The following POLN variants were observed in gnomAD, a reference collection of about 807,000 sequenced individuals.
The protein encoded by POLN is DNA polymerase nu.
A neutral mutation model predicts 113.5 loss-of-function variants in POLN; 108 were observed. The ratio of observed to expected loss-of-function variants is 0.95; its 90% CI spans 0.81 to 1.12. POLN has a LOEUF of 1.12. Among genes scored for constraint, POLN ranks in the 50% most tolerant of loss-of-function variants. The probability of loss-of-function intolerance (pLI) is 0.00; values close to 1 mark genes in which losing one functional copy is unlikely to be tolerated. For synonymous variants in POLN, 386 were observed against 391.5 expected, an observed-to-expected ratio of 0.99 and a Z score of 0.17; for missense variants, 1,097 against 1,077.1, an observed-to-expected ratio of 1.02 and a Z score of -0.26.
chr4:2,210,600 T>C (rs1397021171), intron 4 of POLN, among the ~76,000 whole-genome samples: 3 of 125,958 alleles, frequency 2.4e-5, no homozygotes, highest in South Asian at 2.4e-4. Context: ...ATAATAATAA[T>C]AATAATAATA....
chr4:2,217,267 G>T (rs1193781615), intron 3 of POLN, among the ~76,000 whole-genome samples: 1 of 152,214 alleles, frequency 6.6e-6, no homozygotes, highest in Non-Finnish European at 1.5e-5. Context: ...TACCCATTGG[G>T]TTTCCCTTGA....
intron 23 of POLN, among the ~76,000 whole-genome samples, chr4:2,075,804 G>A (rs941843241): frequency 6.6e-6 from 1 of 152,234 alleles, no homozygotes; most frequent in African/African-American, 2.4e-5. Context: ...AGGGAGACAG[G>A]CTGGTTGGAA....
At position 2,242,051 on chromosome 4, in the gene POLN, C is replaced by A; in HGVS notation, c.-284G>T. On this transcript the variant is annotated splice_region_variant and 5_prime_UTR_variant, in exon 1 of 26. Coordinates refer to ENST00000511885, the MANE Select transcript of POLN (RefSeq NM_181808.4). ...CAGAACCGAGGCCCGCGTCAGTCAC[C>A]TCAGGAAGTTCCGCTTGCTTCTCGC... 1 of 985,762 alleles carries A rather than the reference C, an allele frequency of 1.0e-6. No individual in the cohort carries two copies. Among genetic ancestry groups the A allele is most frequent in the Non-Finnish European group, 1.2e-6 (1 of 830,150 alleles). The allele number at this position is 985,762 out of a possible 1,614,324, so 61.1% of individuals were successfully genotyped here.
chr4:2,232,046 A>C, intron 2 of POLN: 2 of 1,548,162 alleles, frequency 1.3e-6, no homozygotes, highest in Non-Finnish European at 1.8e-6. Context: ...ATTTGATGTA[A>C]TTTATTATTT....
At position 2,213,998 on chromosome 4, in the gene POLN, G is replaced by T. The variant is rs1020669920; in HGVS notation, c.134-872C>A. ...CGCCTGTGATCCCAGCACTTTGGGA[G>T]GCTGAGGTGGGTGGATCACCTCAGG... is the stretch of plus-strand genomic sequence containing the variant. On this transcript the variant is annotated intron_variant, in intron 3 of 25. Coordinates refer to ENST00000511885, the MANE Select transcript of POLN (RefSeq NM_181808.4). Among the ~76,000 whole-genome samples, 10 of 152,310 alleles carry T rather than the reference G, an allele frequency of 6.6e-5. No homozygotes were observed. The East Asian group carries it at 1.9e-3, about 29-fold the overall frequency.
chr4:2,139,689 T>C (rs1053634259), intron 16 of POLN: 1 of 152,234 alleles, frequency 6.6e-6, no homozygotes, highest in Non-Finnish European at 1.5e-5. Context: ...TTAGCAGTAA[T>C]TATGTGGTAT....
intron 23 of POLN, 99 bp from the exon 24 acceptor site, chr4:2,075,618 C>T: frequency 7.6e-7 from 1 of 1,322,182 alleles, no homozygotes; most frequent in Non-Finnish European, 1.1e-6. Flanking sequence ...GAGGCCAGGA[C>T]TGTGAGGCGG....
intron 16 of POLN, among the ~76,000 whole-genome samples, chr4:2,133,011 A>G (rs1218020621): frequency 6.6e-6 from 1 of 152,204 alleles, no homozygotes; most frequent in African/African-American, 2.4e-5. Flanking sequence ...TATGAAATAT[A>G]AAAATAGCTT....
intron 23 of POLN, chr4:2,080,593 G>A (rs1487438945): frequency 1.7e-6 from 2 of 1,207,626 alleles, no homozygotes; most frequent in African/African-American, 3.2e-5. Context: ...AACAGGCAGG[G>A]GTGGGGGCAG....
intron 6 of POLN, among the ~76,000 whole-genome samples, chr4:2,194,089 T>C (rs537143917): frequency 5.9e-5 from 9 of 152,310 alleles, no homozygotes; most frequent in African/African-American, 1.9e-4. Context: ...TGAAACCTCA[T>C]CACTATCCTA....
At chr4:2,141,549 G>A (rs1344391314) in intron 16 of POLN, among the ~76,000 whole-genome samples, 3 of 152,168 alleles carry the variant, frequency 2.0e-5, no homozygotes, top group African/African-American at 4.8e-5. Context: ...GAAGGACTGC[G>A]GTGCGTTCTG....
At chr4:2,135,392 G>A (rs572114680) in intron 16 of POLN, among the ~76,000 whole-genome samples, 33 of 152,314 alleles carry the variant, frequency 2.2e-4, no homozygotes, top group Admixed American at 1.7e-3. Context: ...AATGCTCCCC[G>A]TTGGTTGTGG....
intron 19 of POLN, among the ~76,000 whole-genome samples, chr4:2,096,718 G>C (rs980691716): frequency 2.0e-5 from 3 of 150,890 alleles, no homozygotes; most frequent in Non-Finnish European, 4.4e-5. Context: ...GAGAGAGAGA[G>C]AGAGAGAGAG....
chr4:2,156,729 A>G, intron 16 of POLN, 59 bp downstream of exon 16: 1 of 1,429,962 alleles, frequency 7.0e-7, no homozygotes, highest in Non-Finnish European at 9.9e-7. Context: ...TGGAGAAAAA[A>G]CTTCAATAGC....
intron 20 of POLN, chr4:2,089,336 G>T: frequency 7.2e-7 from 1 of 1,391,036 alleles, no homozygotes; most frequent in South Asian, 1.3e-5. Flanking sequence ...GATATTCCTG[G>T]TGAAGACTGA....
chr4:2,225,720 G>T (rs1467498761), intron 3 of POLN, among the ~76,000 whole-genome samples: 1 of 152,034 alleles, frequency 6.6e-6, no homozygotes, highest in Non-Finnish European at 1.5e-5. Flanking sequence ...TAGTAGGCCA[G>T]GCAGGCACAG....
chr4:2,121,072 AGAACTTCAATATGCAATATTAATAAGTT>A (rs1250163046), intron 19 of POLN, among the ~76,000 whole-genome samples: 1 of 152,132 alleles, frequency 6.6e-6, no homozygotes, highest in Non-Finnish European at 1.5e-5. Context: ...TGCAGTGGCT[AGAACTTCAATATGCAATATTAATAAGTT>A]GTTCCTGATC....
chr4:2,176,207 A>G (rs1007804673), intron 9 of POLN, 59 bp downstream of exon 9: 2 of 1,392,742 alleles, frequency 1.4e-6, no homozygotes, highest in Non-Finnish European at 2.0e-6. Flanking sequence ...TGCGGGTGCC[A>G]ATGAAAAGAC....
chr4:2,182,922 ACTC>A (rs1733179053), intron 7 of POLN, among the ~76,000 whole-genome samples: 2 of 152,222 alleles, frequency 1.3e-5, no homozygotes, highest in African/African-American at 4.8e-5. Flanking sequence ...CTGACAATAA[ACTC>A]ATATTAGAAT....
Sources: gnomAD v4.1 joint callset for allele counts (sites outside exome capture counted in the v4.1 genomes callset) on GRCh38, gnomAD v4.1.1 for gene constraint, MANE v1.5 for transcripts, NCBI Gene and HGNC (gene_info 2026-07-23, HGNC 2026-07-21) for gene names.